UBR1: variants seen among roughly 807,000 people sequenced by gnomAD.
UBR1 encodes the protein ubiquitin protein ligase E3 component n-recognin 1, also known as E3 ubiquitin-protein ligase UBR1.
UBR1 carries 102 observed loss-of-function variants against 242.1 expected under a neutral mutation model. The ratio of observed to expected loss-of-function variants is 0.42; its 90% CI spans 0.36 to 0.50. UBR1 has a LOEUF of 0.50. Among genes scored for constraint, UBR1 ranks in the 20% least tolerant of loss-of-function variants. The pLI is 0.01. For synonymous variants in UBR1, 675 were observed against 684.8 expected, an observed-to-expected ratio of 0.99 and a Z score of 0.22; for missense variants, 1,772 against 2,101.8, an observed-to-expected ratio of 0.84 and a Z score of 3.07.
Position 42,952,389 on chromosome 15 carries a change from G to A in UBR1, c.4895C>T (p.Ala1632Val), listed in dbSNP as rs141227308. ...KHPVLCLFCG[A>V]ILCSQNICCQ... ...GCAAATGTTCTGAGAACATAGTATA[G>A]CCCCACAGAAAAGGCAGAGGACAGG... Residue 1632 changes from alanine to valine, a missense_variant, in exon 45 of 47, where the codon GCT (alanine) becomes GTT (valine). Coordinates refer to ENST00000290650, the MANE Select transcript of UBR1 (RefSeq NM_174916.3). 1.4e-3 allele frequency: 2,302 copies of A among 1,614,176 alleles called. No homozygotes were observed. The highest frequency in any genetic ancestry group is 1.8e-3 in the Non-Finnish European group (2,123 of 1,180,044).
intron 3 of UBR1, among the ~76,000 whole-genome samples, chr15:43,080,760 G>C (rs1016551794): frequency 2.0e-5 from 3 of 152,104 alleles, no homozygotes; most frequent in Admixed American, 1.3e-4. Flanking sequence ...TTTGAGACCA[G>C]CTTAACATGG....
At chr15:43,105,132 G>A (rs1432834929) in intron 1 of UBR1, among the ~76,000 whole-genome samples, 2 of 152,126 alleles carry the variant, frequency 1.3e-5, no homozygotes, top group Non-Finnish European at 2.9e-5. Flanking sequence ...TATTTAGAAA[G>A]ACAAACTAAT....
rs2033230859 is a variant in UBR1 at position 43,029,838 on chromosome 15, G to A, written c.2379+106C>T. The A allele has an allele frequency of 4.6e-6, 6 of 1,299,916 alleles. No homozygotes were observed. In the South Asian group the frequency reaches 7.2e-5, roughly 16 times the overall value. The allele number at this position is 1,299,916 out of a possible 1,614,324, so 80.5% of individuals were successfully genotyped here. On this transcript the variant is annotated intron_variant, in intron 21 of 46. Transcript: ENST00000290650. Reference sequence around the variant, plus strand: ...GATTGGTTTACATCTATAAGGTAATGATATAGGACTTTTTGCCTAAAATTT... The same window carrying A: ...GATTGGTTTACATCTATAAGGTAATAATATAGGACTTTTTGCCTAAAATTT...
At chr15:42,973,436 C>T (rs999568729) in intron 39 of UBR1, among the ~76,000 whole-genome samples, 4 of 152,094 alleles carry the variant, frequency 2.6e-5, no homozygotes, top group Admixed American at 6.5e-5. Flanking sequence ...GCTGGGACTA[C>T]GGGTGTGCAC....
chr15:43,025,009 G>C (rs1259572106), intron 24 of UBR1, 26 bp from the exon 25 acceptor site: 2 of 1,612,732 alleles, frequency 1.2e-6, no homozygotes, highest in Non-Finnish European at 1.7e-6. Context: ...AATGGATGGG[G>C]AAAGAGACAA....
chr15:43,060,940 A>AG (rs1208589791), intron 6 of UBR1, among the ~76,000 whole-genome samples: 2 of 92,022 alleles, frequency 2.2e-5, no homozygotes, highest in South Asian at 3.4e-4. Flanking sequence ...TTGCCATTAC[A>AG]GAAAAAAAAA....
intron 1 of UBR1, among the ~76,000 whole-genome samples, chr15:43,091,570 G>A (rs926275129): frequency 1.3e-5 from 2 of 151,992 alleles, no homozygotes; most frequent in South Asian, 2.1e-4. Flanking sequence ...AACAACTACC[G>A]AACACTACTG....
intron 30 of UBR1, 94 bp from the exon 31 acceptor site, chr15:43,004,024 G>A: frequency 9.5e-7 from 1 of 1,054,978 alleles, no homozygotes; most frequent in Non-Finnish European, 1.5e-6. Context: ...CAAGCAAAGT[G>A]TCACAATATC....
intron 19 of UBR1, among the ~76,000 whole-genome samples, chr15:43,033,608 C>T (rs990294618): frequency 2.6e-5 from 4 of 152,154 alleles, no homozygotes; most frequent in Non-Finnish European, 4.4e-5. Context: ...GAGCCAAGAT[C>T]GAGCCACTGC....
intron 39 of UBR1, among the ~76,000 whole-genome samples, chr15:42,972,343 T>C (rs2141263904): frequency 6.6e-6 from 1 of 152,254 alleles, no homozygotes; most frequent in South Asian, 2.1e-4. Flanking sequence ...CATCTTTTCA[T>C]CACTCGGTAA....
intron 4 of UBR1, 71 bp downstream of exon 4, chr15:43,074,908 T>C: frequency 8.0e-7 from 1 of 1,257,012 alleles, no homozygotes; most frequent in Non-Finnish European, 1.2e-6. Context: ...TCTATACACA[T>C]AACATTTATT....
intron 14 of UBR1, among the ~76,000 whole-genome samples, chr15:43,044,575 T>C (rs557418862): frequency 6.6e-6 from 1 of 152,194 alleles, no homozygotes; most frequent in South Asian, 2.1e-4. Flanking sequence ...GAAATCAGCA[T>C]ACTGACTAAC....
chr15:42,961,856 G>C (rs2032026206), intron 42 of UBR1, among the ~76,000 whole-genome samples: 1 of 151,818 alleles, frequency 6.6e-6, no homozygotes, highest in Non-Finnish European at 1.5e-5. Context: ...CAGAGTTCAA[G>C]CAATTCTCCT....
At chr15:43,008,471 G>A (rs967021637) in intron 29 of UBR1, among the ~76,000 whole-genome samples, 2 of 152,274 alleles carry the variant, frequency 1.3e-5, no homozygotes, top group Admixed American at 6.5e-5. Flanking sequence ...GATAAGCATG[G>A]AAGGAAGGCC....
chr15:43,105,837 TC>T, intron 1 of UBR1, 104 bp downstream of exon 1: 1 of 1,110,238 alleles, frequency 9.0e-7, no homozygotes, highest in East Asian at 2.4e-5. Context: ...TCCAGATAAC[TC>T]CCCCTCCCCA....
intron 1 of UBR1, among the ~76,000 whole-genome samples, chr15:43,087,824 A>C (rs2034056682): frequency 6.6e-6 from 1 of 152,194 alleles, no homozygotes; most frequent in African/African-American, 2.4e-5. Context: ...AGCTGAATAA[A>C]TCATGGGACA....
At chr15:42,952,794 T>C (rs867697126) in intron 44 of UBR1, among the ~76,000 whole-genome samples, 2 of 152,250 alleles carry the variant, frequency 1.3e-5, no homozygotes, top group Non-Finnish European at 2.9e-5. Flanking sequence ...GTTACCTGCC[T>C]CCTCTGTATT....
chr15:43,071,392 G>C (rs192070866), intron 4 of UBR1, among the ~76,000 whole-genome samples: 105 of 152,258 alleles, frequency 6.9e-4, no homozygotes, highest in South Asian at 8.3e-4. Flanking sequence ...CTGCTCATAC[G>C]AAGTATCTAA....
chr15:42,960,071 G>A (rs1035732336), intron 43 of UBR1, among the ~76,000 whole-genome samples: 1 of 152,140 alleles, frequency 6.6e-6, no homozygotes, highest in African/African-American at 2.4e-5. Flanking sequence ...CAGTTATTCT[G>A]GGTGCAAACA....
Sources: gnomAD v4.1 joint callset for allele counts (sites outside exome capture counted in the v4.1 genomes callset) on GRCh38, gnomAD v4.1.1 for gene constraint, MANE v1.5 for transcripts, NCBI Gene and HGNC (gene_info 2026-07-23, HGNC 2026-07-21) for gene names.